The following THAP4 variants were observed in gnomAD, a reference collection of about 807,000 sequenced individuals.
THAP4 encodes peroxynitrite isomerase THAP4.
THAP4 carries 18 observed loss-of-function variants against 48.1 expected under a neutral mutation model. The observed-to-expected ratio is 0.37, with a 90% CI of 0.26 to 0.56. The LOEUF (loss-of-function observed/expected upper bound fraction) is 0.56. THAP4 is among the 20% of genes least tolerant of loss of function. The pLI, the probability that THAP4 is intolerant of heterozygous loss-of-function variation, is 0.78. For synonymous variants in THAP4, 345 were observed against 324.9 expected (o/e 1.06, Z -0.66); for missense variants, 656 against 774.9 (o/e 0.85, Z 1.82).
intron 5 of THAP4, among the ~76,000 whole-genome samples, chr2:241,598,979 C>T (rs1008541864): frequency 3.3e-5 from 5 of 151,810 alleles, no homozygotes; most frequent in Admixed American, 6.6e-5. Context: ...TCCGGCTGGG[C>T]GCAGTGGCTC....
intron 5 of THAP4, among the ~76,000 whole-genome samples, chr2:241,595,637 CAA>C (rs751050652): frequency 3.1e-5 from 4 of 129,348 alleles, no homozygotes; most frequent in Admixed American, 7.9e-5. Context: ...AACTCTGTCT[CAA>C]AAAAAAAAAA....
intron 5 of THAP4, among the ~76,000 whole-genome samples, chr2:241,596,943 C>G (rs1296252648): frequency 6.6e-6 from 1 of 152,204 alleles, no homozygotes; most frequent in East Asian, 1.9e-4. Flanking sequence ...TGACTGTACA[C>G]TACCATAGAC....
At chr2:241,604,558 C>T (rs533689755) in intron 3 of THAP4, among the ~76,000 whole-genome samples, 15 of 151,966 alleles carry the variant, frequency 9.9e-5, no homozygotes, top group African/African-American at 1.2e-4. Context: ...GCCACACACC[C>T]GGCTAATTTT....
intron 2 of THAP4, among the ~76,000 whole-genome samples, chr2:241,628,454 C>T (rs1278009914): frequency 2.0e-5 from 3 of 152,088 alleles, no homozygotes; most frequent in African/African-American, 7.2e-5. Flanking sequence ...TGCTCCTCCC[C>T]AAAAGCCTCT....
intron 3 of THAP4, among the ~76,000 whole-genome samples, chr2:241,604,132 G>A (rs567044281): frequency 6.9e-4 from 105 of 152,058 alleles, no homozygotes; most frequent in Non-Finnish European, 1.2e-3. Context: ...ACCCAGGCTC[G>A]TCGCGGTCTC....
At chr2:241,627,306 T>C (rs1159922014) in intron 2 of THAP4, among the ~76,000 whole-genome samples, 2 of 152,192 alleles carry the variant, frequency 1.3e-5, no homozygotes, top group African/African-American at 4.8e-5. Flanking sequence ...AGAAAACAGA[T>C]TTTGAAGCAA....
In THAP4 at chr2:241,636,719, G is replaced by A. The variant is rs964296860; in HGVS notation, c.77+222C>T. On this transcript the variant is annotated intron_variant, in intron 1 of 5. Coordinates refer to ENST00000407315, the MANE Select transcript of THAP4 (RefSeq NM_015963.6). ...CGCCGGCCGGATCGATCGCGCGCAG[G>A]GCGGACCCAGGCGGCCGGGGTGGGG... Among the ~76,000 whole-genome samples the A allele has an allele frequency of 8.6e-5, 13 of 151,802 alleles. 1 individual carries two copies. The highest frequency in any genetic ancestry group is 2.1e-4 in the South Asian group (1 of 4,832).
At chr2:241,628,438 A>C (rs1374830792) in intron 2 of THAP4, among the ~76,000 whole-genome samples, 1 of 151,066 alleles carries the variant, frequency 6.6e-6, no homozygotes, top group Admixed American at 6.6e-5. Context: ...CCTCACCCCC[A>C]TCTCCTGCTC....
chr2:241,598,077 G>C (rs765369609), intron 5 of THAP4, among the ~76,000 whole-genome samples: 22 of 151,520 alleles, frequency 1.5e-4, no homozygotes, highest in Non-Finnish European at 2.9e-4. Context: ...TAAAAGAGAA[G>C]TGACATAGAA....
At chr2:241,624,805 C>T (rs1338317910) in intron 2 of THAP4, among the ~76,000 whole-genome samples, 1 of 152,060 alleles carries the variant, frequency 6.6e-6, no homozygotes, top group Non-Finnish European at 1.5e-5. Flanking sequence ...ATCTGGGAGC[C>T]CCCCAAGAAT....
Position 241,603,012 on chromosome 2 carries a change from G to A in THAP4, c.1468C>T (p.Pro490Ser). ...HRECGFIRLK[P>S]DTNKVAFVSA... Reference sequence around the variant, plus strand: ...ACAAAGGCCACCTTGTTGGTGTCGGGCTTGAGGCGAATGAAGCCACACTCT... The same window carrying A: ...ACAAAGGCCACCTTGTTGGTGTCGGACTTGAGGCGAATGAAGCCACACTCT... The change falls in exon 4 of 6, where the codon CCC becomes TCC. Residue 490 changes from proline (P) to serine (S), a missense_variant. Coordinates refer to ENST00000407315, the MANE Select transcript of THAP4 (RefSeq NM_015963.6). The A allele has an allele frequency of 1.9e-6, 3 of 1,614,150 alleles. No homozygotes were observed. Among genetic ancestry groups the A allele is most frequent in the Non-Finnish European group, 2.5e-6 (3 of 1,179,984 alleles).
At chr2:241,637,185 C>T (rs2067686395), upstream of THAP4, 5 of 986,732 alleles carry the variant, frequency 5.1e-6, no homozygotes, top group East Asian at 3.4e-4. Context: ...GCAGCGGGCC[C>T]GCCCCCGCCC....
At position 241,633,392 on chromosome 2, in the gene THAP4, G is replaced by A; in HGVS notation, c.765C>T (p.Pro255=). 2 of 1,613,388 alleles carry A rather than the reference G, an allele frequency of 1.2e-6. No individual in the cohort carries two copies. The highest frequency in any genetic ancestry group is 1.7e-6 in the Non-Finnish European group (2 of 1,180,012). ...TRERPSVPRE[P]IDRKRLKKDV... ...CTTTCTTCAGCCTCTTGCGGTCAAT[G>A]GGCTCTCGGGGGACAGATGGCCTTT... The change falls in exon 2 of 6, where the codon CCC becomes CCT. Residue 255 remains proline (P), a synonymous_variant. Transcript: ENST00000407315. The surrounding 1 kb of genome is among the most constrained non-coding windows in gnomAD (Gnocchi z 7.5).
At chr2:241,634,183 G>C in intron 1 of THAP4, 104 bp from the exon 2 acceptor site, 1 of 801,942 alleles carries the variant, frequency 1.2e-6, no homozygotes. Flanking sequence ...ACCCTAAGCC[G>C]TATTGACTTC....
chr2:241,620,937 A>G (rs536377906), intron 2 of THAP4, among the ~76,000 whole-genome samples: 1 of 152,096 alleles, frequency 6.6e-6, no homozygotes, highest in Admixed American at 6.5e-5. Flanking sequence ...CTACTTTGCA[A>G]CCAAAAATAA....
intron 5 of THAP4, among the ~76,000 whole-genome samples, chr2:241,585,843 G>A (rs1390486833): frequency 6.7e-6 from 1 of 148,594 alleles, no homozygotes; most frequent in Admixed American, 6.8e-5. Context: ...AACCCAAGAG[G>A]TGGAGGTTGC....
At chr2:241,632,023 T>A (rs931430534) in intron 2 of THAP4, among the ~76,000 whole-genome samples, 4 of 151,106 alleles carry the variant, frequency 2.6e-5, no homozygotes, top group Non-Finnish European at 4.4e-5. Context: ...TTCTCCTGCC[T>A]CAGCCTCCTG....
chr2:241,603,758 G>A (rs1199332474), intron 3 of THAP4, among the ~76,000 whole-genome samples: 2 of 152,208 alleles, frequency 1.3e-5, no homozygotes, highest in African/African-American at 4.8e-5. Flanking sequence ...AACAGGTGCT[G>A]AGTTATGGTA....
intron 5 of THAP4, among the ~76,000 whole-genome samples, chr2:241,593,517 C>T (rs1454991613): frequency 6.6e-6 from 1 of 152,168 alleles, no homozygotes; most frequent in East Asian, 1.9e-4. Flanking sequence ...CCGACACAGC[C>T]GACCCAGGAA....
Sources: gnomAD v4.1 joint callset for allele counts (sites outside exome capture counted in the v4.1 genomes callset) on GRCh38, gnomAD v4.1.1 for gene constraint, Gnocchi (gnomAD v3.1) non-coding constraint, MANE v1.5 for transcripts, NCBI Gene and HGNC (gene_info 2026-07-23, HGNC 2026-07-21) for gene names.